Variants in THAP4 observed in about 807,000 individuals in gnomAD.
THAP4 encodes the protein THAP domain containing 4, also known as peroxynitrite isomerase THAP4.
A neutral mutation model predicts 48.1 loss-of-function variants in THAP4; 18 were observed. The observed-to-expected ratio is 0.37, with a 90% CI of 0.26 to 0.56. The LOEUF (loss-of-function observed/expected upper bound fraction) is 0.56, where lower values mean the gene tolerates loss of function less well. Ranked by LOEUF, THAP4 falls within the 20% of genes least tolerant of loss-of-function variation. The pLI, the probability that THAP4 is intolerant of heterozygous loss-of-function variation, is 0.78. For missense variants in THAP4, 656 were observed against 774.9 expected, an observed-to-expected ratio of 0.85 and a Z score of 1.82; for synonymous variants, 345 against 324.9, an observed-to-expected ratio of 1.06 and a Z score of -0.66.
chr2:241,615,078 TG>T (rs1385529151), intron 2 of THAP4, among the ~76,000 whole-genome samples: 6 of 152,094 alleles, frequency 3.9e-5, no homozygotes, highest in African/African-American at 1.4e-4. Context: ...AGGTGTCCCT[TG>T]AAAACACTGC....
chr2:241,614,061 G>T (rs949403024), intron 2 of THAP4, among the ~76,000 whole-genome samples: 1 of 152,002 alleles, frequency 6.6e-6, no homozygotes, highest in African/African-American at 2.4e-5. Flanking sequence ...GGGTAGGTGG[G>T]GAGAATCACT....
At chr2:241,622,534 GAAGT>G (rs1016772771) in intron 2 of THAP4, among the ~76,000 whole-genome samples, 8 of 152,038 alleles carry the variant, frequency 5.3e-5, no homozygotes, top group South Asian at 4.2e-4. Flanking sequence ...GCATCAGAGA[GAAGT>G]AAGTGAAGGT....
At chr2:241,627,956 C>G (rs2067513962) in intron 2 of THAP4, among the ~76,000 whole-genome samples, 1 of 152,138 alleles carries the variant, frequency 6.6e-6, no homozygotes, top group Non-Finnish European at 1.5e-5. Context: ...GAGCCACACT[C>G]CCTCTGGCTC....
intron 5 of THAP4, among the ~76,000 whole-genome samples, chr2:241,589,847 C>G (rs1308462046): frequency 1.3e-5 from 2 of 152,164 alleles, no homozygotes; most frequent in Non-Finnish European, 2.9e-5. Flanking sequence ...CACACAGCAA[C>G]AAGCAGACGT....
Position 241,633,099 on chromosome 2 carries a change from C to T in THAP4, c.1058G>A (p.Arg353Gln), listed in dbSNP as rs1387384575. The T allele has an allele frequency of 5.0e-6, 8 of 1,613,770 alleles. No homozygotes were observed. The highest frequency in any genetic ancestry group is 1.3e-5 in the African/African-American group (1 of 74,924). Residue 353 changes from arginine (R) to glutamine (Q), a missense_variant, in exon 2 of 6, where the codon CGG becomes CAG. Coordinates refer to ENST00000407315, the MANE Select transcript of THAP4 (RefSeq NM_015963.6). This position sits in a 1 kb window ranked among gnomAD's most constrained non-coding sequence, Gnocchi z 7.5. ...DSLHSYCFSS[R>Q]QNKSQVCCLR... ...GCAGCACACCTGGCTCTTGTTCTGC[C>T]GGGAGGAGAAGCAGTAGGAGTGCAG...
chr2:241,637,325 C>A (rs932692544), upstream of THAP4: 34 of 1,252,696 alleles, frequency 2.7e-5, no homozygotes, highest in Non-Finnish European at 3.3e-5. Context: ...CGGGGCAAGT[C>A]CGTACCGCGA....
intron 2 of THAP4, among the ~76,000 whole-genome samples, chr2:241,609,648 G>A (rs1158240014): frequency 2.0e-5 from 3 of 152,164 alleles, no homozygotes; most frequent in Non-Finnish European, 4.4e-5. Context: ...TTAGCCGGGC[G>A]TGGTGGCACA....
intron 2 of THAP4, among the ~76,000 whole-genome samples, chr2:241,607,661 A>G (rs2067199914): frequency 6.7e-6 from 1 of 150,260 alleles, no homozygotes. Flanking sequence ...GCACATCAGG[A>G]CTGACCCCCG....
intron 2 of THAP4, among the ~76,000 whole-genome samples, chr2:241,614,714 C>A (rs1214661300): frequency 6.6e-6 from 1 of 151,964 alleles, no homozygotes; most frequent in Admixed American, 6.6e-5. Flanking sequence ...GATGAAACCC[C>A]GTCTCTACTA....
intron 5 of THAP4, among the ~76,000 whole-genome samples, chr2:241,589,717 A>G (rs1359234954): frequency 1.3e-5 from 2 of 152,150 alleles, no homozygotes; most frequent in East Asian, 3.9e-4. Flanking sequence ...GTGTCCACAC[A>G]AAGTTAGGTC....
chr2:241,618,930 G>C (rs955528610), intron 2 of THAP4, among the ~76,000 whole-genome samples: 16 of 152,298 alleles, frequency 1.1e-4, no homozygotes, highest in Non-Finnish European at 1.3e-4. Flanking sequence ...GCTCTGTAGC[G>C]AAGCTGACTT....
intron 2 of THAP4, among the ~76,000 whole-genome samples, chr2:241,620,002 A>G (rs372910689): frequency 5.1e-4 from 19 of 37,088 alleles, no homozygotes; most frequent in African/African-American, 5.6e-4. Flanking sequence ...TGAGTGAGTC[A>G]GTGAGTGAGG....
chr2:241,585,868 A>AAT (rs2066887113), intron 5 of THAP4, among the ~76,000 whole-genome samples: 2 of 143,052 alleles, frequency 1.4e-5, no homozygotes, highest in South Asian at 2.3e-4. Context: ...AGCCGAGATC[A>AAT]TGCCACTGCA....
chr2:241,621,949 A>AAAACC, intron 2 of THAP4, among the ~76,000 whole-genome samples: 1 of 152,216 alleles, frequency 6.6e-6, no homozygotes, highest in East Asian at 1.9e-4. Flanking sequence ...AGCAAAAAAA[A>AAAACC]AAACCAAACC....
intron 1 of THAP4, among the ~76,000 whole-genome samples, chr2:241,636,080 G>A (rs1441643870): frequency 6.6e-6 from 1 of 152,198 alleles, no homozygotes; most frequent in African/African-American, 2.4e-5. Flanking sequence ...AAGCTCTGAA[G>A]GAAATTGTCA....
intron 5 of THAP4, among the ~76,000 whole-genome samples, chr2:241,592,723 G>T (rs1014642484): frequency 6.6e-6 from 1 of 152,212 alleles, no homozygotes; most frequent in Non-Finnish European, 1.5e-5. Context: ...CCTCCAGAGC[G>T]AGGGGGAAAA....
rs1465146242 is a variant in THAP4 at position 241,616,967 on chromosome 2, C to T, written c.1241-10494G>A. ...TTAACCTGCTCCTGGGGCCGCTCCC[C>T]CTGCACCCTCCACCACTTCGGGCCG... On this transcript the variant is annotated intron_variant, in intron 2 of 5. Coordinates refer to ENST00000407315, the MANE Select transcript of THAP4 (RefSeq NM_015963.6). This position sits in a 1 kb window ranked among gnomAD's most constrained non-coding sequence, Gnocchi z 4.6. Among the ~76,000 whole-genome samples the T allele has an allele frequency of 6.6e-6, 1 of 152,212 alleles. No individual in the cohort carries two copies. Among genetic ancestry groups the T allele is most frequent in the Non-Finnish European group, 1.5e-5 (1 of 68,034 alleles).
chr2:241,635,973 C>A (rs1443953396), intron 1 of THAP4, among the ~76,000 whole-genome samples: 1 of 152,096 alleles, frequency 6.6e-6, no homozygotes, highest in East Asian at 1.9e-4. Flanking sequence ...GGTACCCCCC[C>A]ACCCCCAATT....
chr2:241,593,772 C>T (rs191126067), intron 5 of THAP4, among the ~76,000 whole-genome samples: 40 of 152,270 alleles, frequency 2.6e-4, no homozygotes, highest in Admixed American at 7.8e-4. Flanking sequence ...CTGCAACCTC[C>T]GGCTCCCAGG....
Sources: allele counts gnomAD v4.1 joint callset (sites outside exome capture counted in the v4.1 genomes callset), GRCh38; gene constraint gnomAD v4.1.1; non-coding constraint Gnocchi (gnomAD v3.1); transcripts MANE v1.5; gene names NCBI Gene and HGNC (gene_info 2026-07-23, HGNC 2026-07-21).